PAK1: variants seen among roughly 807,000 people sequenced by gnomAD.
PAK1 encodes the protein serine/threonine-protein kinase PAK 1.
In PAK1, 29 loss-of-function variants were observed where a neutral mutation model predicts 67.4. The observed-to-expected ratio is 0.43, with a 90% CI of 0.32 to 0.59. The LOEUF (loss-of-function observed/expected upper bound fraction) is 0.59, where lower values mean the gene tolerates loss of function less well. Among genes scored for constraint, PAK1 ranks in the 20% least tolerant of loss-of-function variants. The pLI is 0.07. For synonymous variants in PAK1, 223 were observed against 237.4 expected (o/e 0.94, Z 0.56); for missense variants, 337 against 670.7 (o/e 0.50, Z 5.50).
At chr11:77,494,128 C>G in the PAK1 span, among the ~76,000 whole-genome samples, 1 of 152,138 alleles carries the variant, frequency 6.6e-6, no homozygotes, top group African/African-American at 2.4e-5. Context: ...TTATAGGAGT[C>G]TATCCTACAA....
Position 77,323,091 on chromosome 11 carries a change from A to G in PAK1, c.*183T>C. On this transcript the variant is annotated 3_prime_UTR_variant, in exon 15 of 15. Coordinates refer to ENST00000356341, the MANE Select transcript of PAK1 (RefSeq NM_002576.5). The stretch of plus-strand genomic sequence containing the variant: ...AGAAATGGCCATCATCTGATTAGTC[A>G]TTCAGTTGCAGTTCTCTTCAATGCT... 2 of 1,069,508 alleles carry G rather than the reference A, an allele frequency of 1.9e-6. No homozygotes were observed. Among genetic ancestry groups the G allele is most frequent in the Non-Finnish European group, 1.4e-6 (1 of 717,164 alleles). 66.3% of individuals were successfully genotyped at this position (1,069,508 alleles called of 1,614,324 possible).
intron 1 of PAK1, among the ~76,000 whole-genome samples, chr11:77,402,167 C>G (rs1312109207): frequency 6.6e-6 from 1 of 152,154 alleles, no homozygotes; most frequent in African/African-American, 2.4e-5. Context: ...CTCTTGAAAA[C>G]TCTCTTTCTA....
chr11:77,417,216 T>TA (rs1405892058), intron 1 of PAK1, among the ~76,000 whole-genome samples: 2 of 152,162 alleles, frequency 1.3e-5, no homozygotes, highest in Non-Finnish European at 2.9e-5. Flanking sequence ...TCAGAATTGC[T>TA]AAAAACTGGA....
chr11:77,348,237 T>G (rs1277009499), intron 9 of PAK1, among the ~76,000 whole-genome samples: 1 of 152,168 alleles, frequency 6.6e-6, no homozygotes, highest in Non-Finnish European at 1.5e-5. Context: ...GGTGCCTCTC[T>G]CAATTATTGT....
intron 2 of PAK1, among the ~76,000 whole-genome samples, chr11:77,383,460 A>C (rs1228797152): frequency 6.6e-5 from 10 of 151,558 alleles, no homozygotes; most frequent in Admixed American, 3.9e-4. Flanking sequence ...CAAGTAGCTG[A>C]GATTACAGGC....
upstream of PAK1, chr11:77,475,942 A>C (rs954700858): frequency 6.6e-6 from 1 of 152,232 alleles, no homozygotes; most frequent in Non-Finnish European, 1.5e-5. Context: ...AGGCCAAGGC[A>C]GCCAGATCAC....
At chr11:77,456,827 C>T (rs904096460) in intron 1 of PAK1, among the ~76,000 whole-genome samples, 13 of 151,990 alleles carry the variant, frequency 8.6e-5, no homozygotes, top group Admixed American at 7.2e-4. Context: ...CTGCAAGCTC[C>T]ACCTCCCAGG....
chr11:77,483,616 T>C, the PAK1 span, among the ~76,000 whole-genome samples: 1 of 152,214 alleles, frequency 6.6e-6, no homozygotes, highest in Non-Finnish European at 1.5e-5. Context: ...AAAATTGCAT[T>C]GCAGTGATCT....
the PAK1 span, among the ~76,000 whole-genome samples, chr11:77,499,194 C>G: frequency 1.3e-5 from 2 of 149,776 alleles, no homozygotes; most frequent in Non-Finnish European, 3.0e-5. Context: ...TTCAAAAATT[C>G]ACTTATAATC....
intron 1 of PAK1, among the ~76,000 whole-genome samples, chr11:77,402,136 C>T (rs914699992): frequency 6.6e-6 from 1 of 152,164 alleles, no homozygotes; most frequent in Admixed American, 6.5e-5. Context: ...GTGATAAAAA[C>T]ATTACTAGCT....
At chr11:77,526,487 T>C in the PAK1 span, among the ~76,000 whole-genome samples, 2 of 152,212 alleles carry the variant, frequency 1.3e-5, no homozygotes, top group Non-Finnish European at 2.9e-5. Context: ...TGTAGAATCA[T>C]ATGAAATGAC....
At chr11:77,379,758 C>T in intron 3 of PAK1, 136 bp downstream of exon 3, 1 of 658,270 alleles carries the variant, frequency 1.5e-6, no homozygotes, top group South Asian at 2.0e-5. Flanking sequence ...AAGTGTCCCA[C>T]TCATGAACGT....
the PAK1 span, among the ~76,000 whole-genome samples, chr11:77,529,601 G>A: frequency 6.6e-6 from 1 of 152,158 alleles, no homozygotes; most frequent in Non-Finnish European, 1.5e-5. Context: ...CTGTTCTCCA[G>A]GGGTTCACAA....
At chr11:77,375,817 T>C in intron 4 of PAK1, among the ~76,000 whole-genome samples, 1 of 152,076 alleles carries the variant, frequency 6.6e-6, no homozygotes, top group East Asian at 1.9e-4. Flanking sequence ...GGAGGGGAAA[T>C]ATTCTACCAA....
intron 13 of PAK1, among the ~76,000 whole-genome samples, chr11:77,333,197 T>C (rs2602466): frequency 0.08 from 10,727 of 134,302 alleles, 828 homozygotes; most frequent in African/African-American, 0.25. Flanking sequence ...TCTTCTTCTT[T>C]TTTTTTTTTT....
chr11:77,426,244 T>C (rs1007215107), intron 1 of PAK1, among the ~76,000 whole-genome samples: 5 of 150,058 alleles, frequency 3.3e-5, no homozygotes, highest in African/African-American at 1.2e-4. Context: ...ACCACCACCA[T>C]CTTTTTTTCT....
At chr11:77,355,409 T>C (rs936531256) in intron 7 of PAK1, among the ~76,000 whole-genome samples, 6 of 152,174 alleles carry the variant, frequency 3.9e-5, no homozygotes, top group African/African-American at 1.4e-4. Flanking sequence ...TTCGCTATAA[T>C]ACATGCCTAG....
intron 1 of PAK1, among the ~76,000 whole-genome samples, chr11:77,442,853 G>A (rs1418773553): frequency 3.3e-5 from 5 of 152,060 alleles, no homozygotes; most frequent in Admixed American, 1.3e-4. Flanking sequence ...AAGGCTTGGG[G>A]CTTCTCCTTA....
At chr11:77,472,394 G>A (rs1289467699) in intron 1 of PAK1, among the ~76,000 whole-genome samples, 2 of 152,164 alleles carry the variant, frequency 1.3e-5, no homozygotes, top group Non-Finnish European at 2.9e-5. Flanking sequence ...AAATCCCACC[G>A]GGCCAATGGG....
Sources: allele counts gnomAD v4.1 joint callset (sites outside exome capture counted in the v4.1 genomes callset), GRCh38; gene constraint gnomAD v4.1.1; transcripts MANE v1.5; gene names NCBI Gene and HGNC (gene_info 2026-07-23, HGNC 2026-07-21).